The following TRAF5 variants were observed in gnomAD, a reference collection of about 807,000 sequenced individuals.
TRAF5 encodes TNF receptor associated factor 5.
TRAF5 carries 48 observed loss-of-function variants against 64.5 expected under a neutral mutation model. The ratio of observed to expected loss-of-function variants is 0.74; its 90% CI spans 0.59 to 0.95. The LOEUF is 0.95. Among genes scored for constraint, TRAF5 ranks in the 40% least tolerant of loss-of-function variants. TRAF5 has a pLI of 0.00. For missense variants in TRAF5, 545 were observed against 662.8 expected, an observed-to-expected ratio of 0.82 and a Z score of 1.95; for synonymous variants, 206 against 240.5, an observed-to-expected ratio of 0.86 and a Z score of 1.33.
chr1:211,340,378 G>A (rs902297004), intron 1 of TRAF5, among the ~76,000 whole-genome samples: 1 of 152,106 alleles, frequency 6.6e-6, no homozygotes. Flanking sequence ...TCCGCCTCTT[G>A]GGTTCAAGTG....
At chr1:211,359,870 C>T (rs1703117138) in intron 4 of TRAF5, 42 bp from the exon 5 acceptor site, 1 of 1,611,638 alleles carries the variant, frequency 6.2e-7, no homozygotes. Flanking sequence ...TTCCTACCAC[C>T]CTGGTCAGCA....
rs150351065 is a variant in TRAF5 at position 211,341,540 on chromosome 1, C to T, written c.-1-11699C>T. Among the ~76,000 whole-genome samples the T allele has an allele frequency of 3.3e-5, 5 of 152,288 alleles. No homozygotes were observed. In the East Asian group the frequency reaches 9.7e-4, roughly 29 times the overall value. On this transcript the variant is annotated intron_variant, in intron 1 of 10. Coordinates refer to ENST00000261464, the MANE Select transcript of TRAF5 (RefSeq NM_001033910.3). ...TTATTCCAGGTAGAGTACAGATAAG[C>T]TTGGGAGGGCCAGGGAGGCTTCAGA...
chr1:211,342,405 G>A (rs969322313), intron 1 of TRAF5, among the ~76,000 whole-genome samples: 5 of 151,708 alleles, frequency 3.3e-5, no homozygotes, highest in Admixed American at 6.6e-5. Context: ...GAGATATTTT[G>A]ATATGGGCAT....
Position 211,353,380 on chromosome 1 carries a change from C to T in TRAF5, c.141C>T (p.Phe47=). ...TGGAAGAGCGCTACAAATGTGCCTT[C>T]TGCCACTCGGTGCTTCACAACCCCC... ...ERLEERYKCA[F]CHSVLHNPHQ... The change falls in exon 2 of 11, where the codon TTC becomes TTT. Residue 47 remains phenylalanine, a synonymous_variant. Transcript: ENST00000261464. The T allele has an allele frequency of 6.2e-7, 1 of 1,614,212 alleles. No individual in the cohort carries two copies. The highest frequency in any genetic ancestry group is 8.5e-7 in the Non-Finnish European group (1 of 1,180,040).
intron 1 of TRAF5, among the ~76,000 whole-genome samples, chr1:211,351,136 C>T (rs1218131568): frequency 2.0e-5 from 3 of 149,262 alleles, no homozygotes; most frequent in Non-Finnish European, 4.4e-5. Flanking sequence ...ACGCCATTCT[C>T]CTGCCTCAGC....
intron 5 of TRAF5, 68 bp downstream of exon 5, chr1:211,360,144 C>A: frequency 6.8e-7 from 1 of 1,467,484 alleles, no homozygotes; most frequent in Non-Finnish European, 9.4e-7. Flanking sequence ...CACAGTGAAT[C>A]AGGTGGAATG....
chr1:211,344,037 C>T (rs570385290), intron 1 of TRAF5, among the ~76,000 whole-genome samples: 1 of 152,260 alleles, frequency 6.6e-6, no homozygotes, highest in African/African-American at 2.4e-5. Context: ...CTAAAGGTCT[C>T]CTGGATACCT....
chr1:211,334,795 G>A (rs902256234), intron 1 of TRAF5, among the ~76,000 whole-genome samples: 2 of 152,204 alleles, frequency 1.3e-5, no homozygotes, highest in Non-Finnish European at 2.9e-5. Context: ...CCATCCTTGC[G>A]AGGAGAACTT....
chr1:211,336,869 G>A (rs546070622), intron 1 of TRAF5, among the ~76,000 whole-genome samples: 35 of 152,348 alleles, frequency 2.3e-4, no homozygotes, highest in African/African-American at 8.4e-4. Flanking sequence ...ATGTCGGCCA[G>A]GCTGGTGTCA....
At chr1:211,329,806 G>A (rs1187260795) in intron 1 of TRAF5, among the ~76,000 whole-genome samples, 1 of 152,214 alleles carries the variant, frequency 6.6e-6, no homozygotes, top group Non-Finnish European at 1.5e-5. Context: ...ATCTGTGTGT[G>A]TTGGGGCAGA....
intron 1 of TRAF5, among the ~76,000 whole-genome samples, chr1:211,347,452 C>G (rs1024998021): frequency 6.6e-6 from 1 of 152,032 alleles, no homozygotes; most frequent in Non-Finnish European, 1.5e-5. Context: ...ATCTCATGGC[C>G]GAACATAAAT....
chr1:211,336,397 C>G (rs1251627357), intron 1 of TRAF5, among the ~76,000 whole-genome samples: 3 of 152,200 alleles, frequency 2.0e-5, no homozygotes, highest in African/African-American at 7.2e-5. Flanking sequence ...CTCTTCCGGT[C>G]CTAGTTGGCT....
At chr1:211,327,261 C>T (rs1379610863) in intron 1 of TRAF5, among the ~76,000 whole-genome samples, 1 of 152,092 alleles carries the variant, frequency 6.6e-6, no homozygotes, top group East Asian at 1.9e-4. Flanking sequence ...GGTGCACTGG[C>T]GGGGAGGACT....
Position 211,365,426 on chromosome 1 carries a change from C to T in TRAF5, c.747C>T (p.His249=), listed in dbSNP as rs1269844035. ...ATGAGCATTCAGCCTTACGGGAGCA[C>T]ATGCGTTTGGTTTTAGAAAAGAATG... is the stretch of plus-strand genomic sequence containing the variant. ...QQHEHSALRE[H]MRLVLEKNVQ... The change falls in exon 8 of 11, where the codon CAC becomes CAT. Residue 249 remains histidine (H), a synonymous_variant. Transcript: ENST00000261464. 2.5e-6 allele frequency: 4 copies of T among 1,613,858 alleles called. No individual in the cohort carries two copies. Among genetic ancestry groups the T allele is most frequent in the Non-Finnish European group, 2.5e-6 (3 of 1,179,882 alleles).
At chr1:211,366,336 C>T (rs552337711) in intron 8 of TRAF5, among the ~76,000 whole-genome samples, 4 of 152,260 alleles carry the variant, frequency 2.6e-5, no homozygotes, top group Admixed American at 1.3e-4. Context: ...CCCTAGTAAC[C>T]GTTCCCAAGT....
chr1:211,366,134 C>T (rs1275808595), intron 8 of TRAF5, among the ~76,000 whole-genome samples: 2 of 152,318 alleles, frequency 1.3e-5, no homozygotes, highest in South Asian at 4.1e-4. Flanking sequence ...TAGAACATCT[C>T]AGAAAATCAG....
At chr1:211,342,171 G>A (rs1702465450) in intron 1 of TRAF5, among the ~76,000 whole-genome samples, 1 of 152,182 alleles carries the variant, frequency 6.6e-6, no homozygotes, top group Non-Finnish European at 1.5e-5. Flanking sequence ...GTAAATGAAT[G>A]AACATGGCTG....
At chr1:211,361,210 C>A in intron 7 of TRAF5, 48 bp downstream of exon 7, 2 of 1,541,862 alleles carry the variant, frequency 1.3e-6, no homozygotes, top group Non-Finnish European at 9.0e-7. Context: ...CTGTATAATT[C>A]ACTTGGCAAG....
At chr1:211,344,913 C>T (rs1261295614) in intron 1 of TRAF5, among the ~76,000 whole-genome samples, 1 of 152,028 alleles carries the variant, frequency 6.6e-6, no homozygotes, top group Non-Finnish European at 1.5e-5. Context: ...ACCACCACAC[C>T]CTGCTAATTT....
Sources: gnomAD v4.1 joint callset for allele counts (sites outside exome capture counted in the v4.1 genomes callset) on GRCh38, gnomAD v4.1.1 for gene constraint, MANE v1.5 for transcripts, NCBI Gene and HGNC (gene_info 2026-07-23, HGNC 2026-07-21) for gene names.